The following SDK1 variants were observed in gnomAD, a reference collection of about 807,000 sequenced individuals.
SDK1 encodes sidekick cell adhesion molecule 1, also known as protein sidekick-1.
SDK1 carries 157 observed loss-of-function variants against 245.5 expected under a neutral mutation model. That is an observed-to-expected ratio of 0.64 (90% CI 0.56 to 0.73). The LOEUF (loss-of-function observed/expected upper bound fraction) is 0.73, where lower values mean the gene tolerates loss of function less well. Ranked by LOEUF, SDK1 falls within the 30% of genes least tolerant of loss-of-function variation. SDK1 has a pLI of 0.00. For synonymous variants in SDK1, 1,647 were observed against 1,278.5 expected (o/e 1.29, Z -6.15); for missense variants, 3,583 against 3,002.3 (o/e 1.19, Z -4.52).
chr7:4,127,640 C>T, intron 26 of SDK1, 144 bp downstream of exon 26: 1 of 652,794 alleles, frequency 1.5e-6, no homozygotes, highest in Non-Finnish European at 2.8e-6. Flanking sequence ...TTAAGATATT[C>T]AGTTGTCTTA....
At chr7:4,104,699 T>C (rs1013910618) in intron 22 of SDK1, among the ~76,000 whole-genome samples, 1 of 152,152 alleles carries the variant, frequency 6.6e-6, no homozygotes, top group Non-Finnish European at 1.5e-5. Context: ...TGTATGCATG[T>C]ATGTATTTAT....
In SDK1 at chr7:3,985,382, C is replaced by G. The variant is rs538910520; in HGVS notation, c.1995-1804C>G. ...AACTTTGGTTTGGTTTCAGACCACA[C>G]CGATTCAGATTGCAGCAGGGGGAAT... is the stretch of plus-strand genomic sequence containing the variant. On this transcript the variant is annotated intron_variant, in intron 13 of 44. Transcript: ENST00000404826. Among the ~76,000 whole-genome samples, 3 of 152,306 alleles carry G rather than the reference C, an allele frequency of 2.0e-5. No individual in the cohort carries two copies. The East Asian group carries it at 5.8e-4, about 29-fold the overall frequency.
At chr7:3,501,490 T>A (rs1230933330) in intron 1 of SDK1, among the ~76,000 whole-genome samples, 2 of 152,124 alleles carry the variant, frequency 1.3e-5, no homozygotes, top group Non-Finnish European at 2.9e-5. Flanking sequence ...TTTATGACAT[T>A]GATTTTGATG....
chr7:3,636,953 A>G (rs151226287), intron 2 of SDK1, among the ~76,000 whole-genome samples: 3 of 152,180 alleles, frequency 2.0e-5, no homozygotes, highest in African/African-American at 7.2e-5. Context: ...GCTCTTTTTC[A>G]TATACCTGTT....
chr7:3,587,505 G>C (rs1410686798), intron 1 of SDK1, among the ~76,000 whole-genome samples: 1 of 152,152 alleles, frequency 6.6e-6, no homozygotes, highest in East Asian at 1.9e-4. Context: ...AGAACCAGGA[G>C]TGCCAAGTAC....
intron 22 of SDK1, among the ~76,000 whole-genome samples, chr7:4,098,238 C>T (rs901604749): frequency 1.1e-4 from 17 of 152,172 alleles, no homozygotes; most frequent in African/African-American, 3.9e-4. Flanking sequence ...CTGCCGCATA[C>T]GTGACAACTC....
chr7:4,004,825 C>A (rs1021599449), intron 14 of SDK1, among the ~76,000 whole-genome samples: 13 of 152,070 alleles, frequency 8.5e-5, no homozygotes, highest in Non-Finnish European at 1.6e-4. Context: ...CCCTAAGTGT[C>A]TAAAAAGAAA....
At chr7:3,785,731 A>T (rs1219838624) in intron 4 of SDK1, among the ~76,000 whole-genome samples, 1 of 152,318 alleles carries the variant, frequency 6.6e-6, no homozygotes, top group Admixed American at 6.5e-5. Context: ...GCTCATGATT[A>T]TAAGACTTCT....
intron 1 of SDK1, among the ~76,000 whole-genome samples, chr7:3,379,525 G>A (rs1781434034): frequency 1.3e-5 from 2 of 152,042 alleles, no homozygotes. Context: ...TAGATGGAGG[G>A]GAACGGGGTC....
intron 1 of SDK1, among the ~76,000 whole-genome samples, chr7:3,435,187 C>G (rs1452987056): frequency 7.7e-6 from 1 of 130,038 alleles, no homozygotes; most frequent in Non-Finnish European, 1.6e-5. Context: ...AAATCTTTTT[C>G]TCATTATTTA....
chr7:3,803,576 G>A (rs575425441), intron 4 of SDK1, among the ~76,000 whole-genome samples: 2 of 151,986 alleles, frequency 1.3e-5, no homozygotes, highest in East Asian at 3.9e-4. Flanking sequence ...CTCCTAAAGT[G>A]CTGAGATTAC....
intron 5 of SDK1, among the ~76,000 whole-genome samples, chr7:3,903,506 C>T (rs139588096): frequency 8.2e-4 from 125 of 152,140 alleles, no homozygotes; most frequent in Non-Finnish European, 1.4e-3. Flanking sequence ...CATTTTAACC[C>T]TTATACATTG....
At chr7:3,959,066 A>G in intron 8 of SDK1, 52 bp downstream of exon 8, 2 of 1,376,208 alleles carry the variant, frequency 1.5e-6, no homozygotes, top group South Asian at 1.2e-5. Context: ...AGGAAGGGAA[A>G]CAACCTTTTT....
chr7:3,602,982 A>G (rs1461653261), intron 1 of SDK1, among the ~76,000 whole-genome samples: 3 of 152,150 alleles, frequency 2.0e-5, no homozygotes, highest in Non-Finnish European at 4.4e-5. Context: ...AAGATCAGAT[A>G]GTTGTAGATA....
intron 4 of SDK1, among the ~76,000 whole-genome samples, chr7:3,763,000 A>G (rs1327299282): frequency 5.9e-5 from 9 of 152,084 alleles, no homozygotes; most frequent in Non-Finnish European, 8.8e-5. Context: ...TTGGCACGTG[A>G]TAGGAATTCA....
chr7:3,613,873 C>G (rs1234959102), intron 1 of SDK1, among the ~76,000 whole-genome samples: 1 of 152,086 alleles, frequency 6.6e-6, no homozygotes, highest in African/African-American at 2.4e-5. Flanking sequence ...AACACAGGAA[C>G]AGAAAACCAA....
At chr7:3,555,339 C>A (rs983884183) in intron 1 of SDK1, among the ~76,000 whole-genome samples, 1 of 152,128 alleles carries the variant, frequency 6.6e-6, no homozygotes, top group Non-Finnish European at 1.5e-5. Context: ...GGAAAGGACA[C>A]TCTTTTCAGT....
intron 5 of SDK1, among the ~76,000 whole-genome samples, chr7:3,845,849 C>T (rs764941734): frequency 8.5e-5 from 13 of 152,106 alleles, no homozygotes; most frequent in Non-Finnish European, 1.6e-4. Flanking sequence ...ATTTAGAAAG[C>T]GGATGAATTG....
intron 1 of SDK1, among the ~76,000 whole-genome samples, chr7:3,393,838 C>T (rs1385137010): frequency 6.6e-6 from 1 of 152,124 alleles, no homozygotes; most frequent in African/African-American, 2.4e-5. Flanking sequence ...GGATTGTTCA[C>T]TGTTGTCTTA....
Sources: allele counts gnomAD v4.1 joint callset (sites outside exome capture counted in the v4.1 genomes callset), GRCh38; gene constraint gnomAD v4.1.1; transcripts MANE v1.5; gene names NCBI Gene and HGNC (gene_info 2026-07-23, HGNC 2026-07-21).